SHF: variants seen among roughly 807,000 people sequenced by gnomAD.
The protein encoded by SHF is Src homology 2 domain containing F.
In SHF, 30 loss-of-function variants were observed where a neutral mutation model predicts 42.4. The ratio of observed to expected loss-of-function variants is 0.71; its 90% CI spans 0.53 to 0.96. The LOEUF is 0.96. Among genes scored for constraint, SHF ranks in the 40% least tolerant of loss-of-function variants. The pLI, the probability that SHF is intolerant of heterozygous loss-of-function variation, is 0.00. For synonymous variants in SHF, 264 were observed against 269.9 expected (o/e 0.98, Z 0.21); for missense variants, 598 against 634.0 (o/e 0.94, Z 0.61).
At position 45,187,518 on chromosome 15, in the gene SHF, G is replaced by T; in HGVS notation, c.434C>A (p.Thr145Asn). ...AGCAGGCGGCGCCGGGGGCCCCGGG[G>T]TCTCGACCCGAATAAGGCGGTGTGG... The part of the protein sequence containing the change: ...SPPHRLIRVE[T>N]PGPPAPPADE... The change falls in exon 1 of 7, where the codon ACC becomes AAC. Residue 145 changes from threonine to asparagine, a missense_variant. Physicochemically the swap from Thr to Asn is moderately conservative, Grantham distance 65 (BLOSUM62 0). Around this residue, in one of 2 missense-constraint regions of SHF, gnomAD observed 439 missense variants for 524.6 expected, o/e 0.84. Coordinates refer to ENST00000690270, the MANE Select transcript of SHF (RefSeq NM_001394037.1). The T allele has an allele frequency of 1.6e-6, 2 of 1,231,966 alleles. No homozygotes were observed. 76.3% of individuals were successfully genotyped at this position (1,231,966 alleles called of 1,614,324 possible). A position where few individuals can be genotyped will look rare whatever the true frequency, so the allele number is the denominator to read the frequency against.
At chr15:45,195,592 C>A (rs1898840443) in intron 2 of SHF, among the ~76,000 whole-genome samples, 1 of 152,106 alleles carries the variant, frequency 6.6e-6, no homozygotes, top group African/African-American at 2.4e-5. Flanking sequence ...TTTAATACAG[C>A]ACCAGAGATA....
At chr15:45,195,868 T>G (rs1898847079) in intron 2 of SHF, among the ~76,000 whole-genome samples, 1 of 152,212 alleles carries the variant, frequency 6.6e-6, no homozygotes, top group Non-Finnish European at 1.5e-5. Flanking sequence ...AGCCTTGTCT[T>G]GGGTCCATCT....
intron 1 of SHF, among the ~76,000 whole-genome samples, chr15:45,186,836 G>A (rs1270009532): frequency 6.6e-6 from 1 of 152,284 alleles, no homozygotes; most frequent in Non-Finnish European, 1.5e-5. Context: ...AGAGCTGTAA[G>A]CTGCCTGTCT....
intron 1 of SHF, among the ~76,000 whole-genome samples, chr15:45,179,271 G>A (rs1897996267): frequency 6.6e-6 from 1 of 152,266 alleles, no homozygotes; most frequent in African/African-American, 2.4e-5. Context: ...TACGTAAGTG[G>A]AGGAACCAGG....
At chr15:45,184,845 G>A (rs1024804986) in intron 1 of SHF, among the ~76,000 whole-genome samples, 12 of 152,246 alleles carry the variant, frequency 7.9e-5, no homozygotes, top group African/African-American at 2.7e-4. Flanking sequence ...GTTGCAGGGC[G>A]CGGCTCCTGC....
rs1305071124 is a variant in SHF at position 45,167,238 on chromosome 15, T to C, written c.*709A>G. On this transcript the variant is annotated 3_prime_UTR_variant, in exon 7 of 7. Coordinates refer to ENST00000690270, the MANE Select transcript of SHF (RefSeq NM_001394037.1). The stretch of plus-strand genomic sequence containing the variant: ...GTGCTTTTCACAGCCGGGCTGTGTC[T>C]GCTCCAGAGCTGATTTATACGCAGA... The C allele has an allele frequency of 4.6e-5, 7 of 152,174 alleles. No homozygotes were observed. The highest frequency in any genetic ancestry group is 2.1e-4 in the South Asian group (1 of 4,834). The allele number at this position is 152,174 out of a possible 1,614,324, so 9.4% of individuals were successfully genotyped here. A position where few individuals can be genotyped will look rare whatever the true frequency, so the allele number is the denominator to read the frequency against.
chr15:45,168,181 C>T (rs752914983), intron 6 of SHF, 48 bp from the exon 7 acceptor site: 3 of 1,496,336 alleles, frequency 2.0e-6, no homozygotes, highest in Non-Finnish European at 2.7e-6. Context: ...CTCCTCAGCC[C>T]CCTCATCCAT....
chr15:45,189,860 C>T (rs555463134), upstream of SHF, among the ~76,000 whole-genome samples: 143 of 152,172 alleles, frequency 9.4e-4, no homozygotes, highest in African/African-American at 3.3e-3. Context: ...TCTAGTTGGG[C>T]GAGGTGGCTC....
At chr15:45,171,832 T>G in intron 6 of SHF, 51 bp downstream of exon 6, 1 of 1,581,704 alleles carries the variant, frequency 6.3e-7, no homozygotes, top group Non-Finnish European at 8.6e-7. Context: ...AATACTGGAG[T>G]CCCCTTCCAC....
chr15:45,187,191 C>T (rs929518822), intron 1 of SHF, among the ~76,000 whole-genome samples: 2 of 152,172 alleles, frequency 1.3e-5, no homozygotes, highest in African/African-American at 4.8e-5. Flanking sequence ...GGAGAGCCAG[C>T]CCGGGAGGGG....
chr15:45,189,208 A>AG (rs1898629302), upstream of SHF, among the ~76,000 whole-genome samples: 1 of 148,528 alleles, frequency 6.7e-6, no homozygotes, highest in Non-Finnish European at 1.5e-5. Context: ...AAAAAAAAAA[A>AG]GAAAAAGAAA....
intron 1 of SHF, among the ~76,000 whole-genome samples, chr15:45,185,219 G>A (rs1169383571): frequency 6.6e-6 from 1 of 152,238 alleles, no homozygotes; most frequent in Non-Finnish European, 1.5e-5. Context: ...TCACATGTCA[G>A]GAGGAGACCT....
intron 1 of SHF, among the ~76,000 whole-genome samples, chr15:45,183,618 G>C (rs10083684): frequency 0.2 from 29,923 of 152,178 alleles, 4,589 homozygotes; most frequent in African/African-American, 0.43. Context: ...TATCCTCCAA[G>C]TCCTGGGCCC....
At chr15:45,183,622 T>C (rs888628784) in intron 1 of SHF, among the ~76,000 whole-genome samples, 1 of 152,216 alleles carries the variant, frequency 6.6e-6, no homozygotes, top group African/African-American at 2.4e-5. Context: ...CTCCAAGTCC[T>C]GGGCCCCAGC....
intron 1 of SHF, among the ~76,000 whole-genome samples, chr15:45,185,028 C>T (rs897781883): frequency 1.3e-5 from 2 of 152,358 alleles, no homozygotes; most frequent in East Asian, 3.9e-4. Context: ...TTCTCTCCTG[C>T]CCCCATACTA....
chr15:45,171,900 G>A lies in SHF; in HGVS notation c.1263C>T (p.Asp421=). The part of the protein sequence containing the change: ...LVRNSETSKN[D]FSLSLKSSQG... The stretch of plus-strand genomic sequence containing the variant: ...CCACTCACTTGAGGGAGAGGGAGAA[G>A]TCATTCTTGCTGGTCTCACTGTTGC... Residue 421 remains aspartate (D), a synonymous_variant, in exon 6 of 7, where the codon GAC becomes GAT. Transcript: ENST00000690270. 1 of 1,613,452 alleles carries A rather than the reference G, an allele frequency of 6.2e-7. No homozygotes were observed. Among genetic ancestry groups the A allele is most frequent in the Non-Finnish European group, 8.5e-7 (1 of 1,179,826 alleles).
chr15:45,175,479 C>A, intron 2 of SHF, 54 bp from the exon 3 acceptor site: 1 of 1,525,548 alleles, frequency 6.6e-7, no homozygotes, highest in Non-Finnish European at 8.9e-7. Flanking sequence ...GGCTTTCTGG[C>A]TCCCCTCCTC....
chr15:45,180,533 T>G (rs561659701), intron 1 of SHF, among the ~76,000 whole-genome samples: 25 of 152,380 alleles, frequency 1.6e-4, no homozygotes, highest in Non-Finnish European at 2.9e-4. Flanking sequence ...TTGAAGAGAT[T>G]TGAAAGCTTC....
Position 45,172,197 on chromosome 15 carries a change from G to T in SHF, c.1110C>A (p.Ser370Arg). The T allele has an allele frequency of 2.5e-6, 4 of 1,613,928 alleles. No individual in the cohort carries two copies. The highest frequency in any genetic ancestry group is 3.4e-6 in the Non-Finnish European group (4 of 1,179,852). The change falls in exon 5 of 7, where the codon AGC (serine) becomes AGA (arginine). Residue 370 changes from serine to arginine, a missense_variant. By Grantham distance (110) the Ser-to-Arg change is moderately radical (BLOSUM62 -1). This residue lies in a region of SHF where 439 missense variants were observed against 524.6 expected (regional missense o/e 0.84). Coordinates refer to ENST00000690270, the MANE Select transcript of SHF (RefSeq NM_001394037.1). ...KSAKPLSMEP[S>R]SPLGEWTDPA... Reference sequence around the variant, plus strand: ...GATCTGTCCACTCCCCCAGGGGGCTGCTGGGCTCCATGCTTAGGGGTTTGG... The same window carrying T: ...GATCTGTCCACTCCCCCAGGGGGCTTCTGGGCTCCATGCTTAGGGGTTTGG...
Sources: allele counts gnomAD v4.1 joint callset (sites outside exome capture counted in the v4.1 genomes callset), GRCh38; gene constraint gnomAD v4.1.1; regional missense constraint gnomAD v4.1.1; transcripts MANE v1.5; gene names NCBI Gene and HGNC (gene_info 2026-07-23, HGNC 2026-07-21).